Variants in LIMA1 observed in about 807,000 individuals in gnomAD.
LIMA1 encodes LIM domain and actin-binding protein 1.
Under a neutral mutation model 62.6 loss-of-function variants are expected in LIMA1, and 52 were observed. The ratio of observed to expected loss-of-function variants is 0.83; its 90% CI spans 0.67 to 1.05. LIMA1 has a LOEUF of 1.05. LIMA1 is among the 50% of genes least tolerant of loss of function. LIMA1 has a pLI of 0.00. For synonymous variants in LIMA1, 302 were observed against 317.8 expected (o/e 0.95, Z 0.53); for missense variants, 780 against 902.2 (o/e 0.86, Z 1.74).
rs192444952 is a variant in LIMA1 at position 50,211,382 on chromosome 12, G to A, written c.631-5314C>T. 2.6e-3 allele frequency among the ~76,000 whole-genome samples: 381 copies of A among 145,932 alleles called. 1 individual carries two copies. The highest frequency in any genetic ancestry group is 4.3e-3 in the Non-Finnish European group (291 of 66,912). On this transcript the variant is annotated intron_variant, in intron 4 of 10. Coordinates refer to ENST00000341247, the MANE Select transcript of LIMA1 (RefSeq NM_016357.5). Reference sequence around the variant, plus strand: ...AACAAGGCTGGGCGTGGTAGCTCACGCCTGTAATCCAGCACTTTGGGAGGC... The same window carrying A: ...AACAAGGCTGGGCGTGGTAGCTCACACCTGTAATCCAGCACTTTGGGAGGC...
In LIMA1 at chr12:50,231,687, G is replaced by C; in HGVS notation, c.143C>G (p.Thr48Arg). ...FSKYQKAAEETNMEKKRSNTE... is the reference protein window; with the variant it reads ...FSKYQKAAEERNMEKKRSNTE... ...TACACTTCTCTTCTTCTCCATGTTT[G>C]TTTCTTCAGCTGCTTTCTGGTACCT... The change falls in exon 3 of 11, where the codon ACA becomes AGA. Residue 48 changes from threonine to arginine, a missense_variant. Transcript: ENST00000341247. 6.2e-7 allele frequency: 1 copy of C among 1,613,928 alleles called. No individual in the cohort carries two copies. The highest frequency in any genetic ancestry group is 8.5e-7 in the Non-Finnish European group (1 of 1,179,814).
Position 50,244,395 on chromosome 12 carries a change from G to A in LIMA1, c.119+4238C>T, listed in dbSNP as rs534076754. Among the ~76,000 whole-genome samples the A allele has an allele frequency of 1.1e-4, 16 of 152,166 alleles. No homozygotes were observed. In the East Asian group the frequency reaches 2.3e-3, roughly 22 times the overall value. On this transcript the variant is annotated intron_variant, in intron 2 of 10. Transcript: ENST00000341247. The stretch of plus-strand genomic sequence containing the variant: ...TGGGATTACAGGTGTGAGCCATTGC[G>A]CCCAGCCATTTTTTTGTATTTTTAG...
chr12:50,201,353 C>T, intron 6 of LIMA1: 1 of 984,158 alleles, frequency 1.0e-6, no homozygotes, highest in Non-Finnish European at 1.2e-6. Flanking sequence ...ATGATGTATA[C>T]ATATAAAAAC....
intron 1 of LIMA1, chr12:50,249,651 C>T (rs1941900954): frequency 1.3e-5 from 2 of 151,988 alleles, no homozygotes; most frequent in South Asian, 2.1e-4. Flanking sequence ...GTTATTTTGC[C>T]CCACTAATTA....
intron 10 of LIMA1, among the ~76,000 whole-genome samples, chr12:50,181,112 C>CA (rs35433011): frequency 0.44 from 30,744 of 70,386 alleles, 5,655 homozygotes; most frequent in Non-Finnish European, 0.47. Flanking sequence ...ACTCTGTATC[C>CA]AAAAAAAAAA....
At chr12:50,182,249 T>C in intron 9 of LIMA1, 1 of 470,534 alleles carries the variant, frequency 2.1e-6, no homozygotes, top group Non-Finnish European at 3.8e-6. Context: ...CTGCTCTAAA[T>C]GTAGCAGCCA....
chr12:50,233,865 A>G (rs1179947833), intron 2 of LIMA1, among the ~76,000 whole-genome samples: 1 of 152,188 alleles, frequency 6.6e-6, no homozygotes, highest in Non-Finnish European at 1.5e-5. Flanking sequence ...ATGTCTTTTA[A>G]AAGATCATAC....
chr12:50,282,718 T>C (rs933622839), intron 1 of LIMA1, among the ~76,000 whole-genome samples: 25 of 152,170 alleles, frequency 1.6e-4, no homozygotes, highest in African/African-American at 6.0e-4. Context: ...AGTTCAAATA[T>C]CTCTCACCAG....
intron 2 of LIMA1, among the ~76,000 whole-genome samples, chr12:50,233,617 C>T (rs1282837545): frequency 2.6e-5 from 4 of 152,126 alleles, no homozygotes; most frequent in African/African-American, 4.8e-5. Context: ...CTCCGCCTCC[C>T]GGGTTCAAGC....
chr12:50,245,205 A>C (rs1003799302), intron 2 of LIMA1, among the ~76,000 whole-genome samples: 6 of 151,848 alleles, frequency 4.0e-5, no homozygotes, highest in African/African-American at 1.5e-4. Context: ...GCTTGAATCC[A>C]GGAGTTCAAG....
intron 1 of LIMA1, among the ~76,000 whole-genome samples, chr12:50,268,930 C>T (rs1942171597): frequency 6.6e-6 from 1 of 152,118 alleles, no homozygotes; most frequent in Non-Finnish European, 1.5e-5. Context: ...CTGTCTGGAC[C>T]GGTCTTATCC....
intron 2 of LIMA1, among the ~76,000 whole-genome samples, chr12:50,232,377 T>C (rs1338027279): frequency 2.7e-5 from 4 of 150,630 alleles, no homozygotes; most frequent in Non-Finnish European, 5.9e-5. Flanking sequence ...TTTTTTCTTT[T>C]TTTTTTTTTT....
At chr12:50,262,180 T>C (rs1457020209) in intron 1 of LIMA1, among the ~76,000 whole-genome samples, 2 of 152,170 alleles carry the variant, frequency 1.3e-5, no homozygotes, top group Non-Finnish European at 2.9e-5. Context: ...TGTTTTCTTA[T>C]AAATGCTAAT....
chr12:50,207,148 C>A (rs926750092), intron 4 of LIMA1, among the ~76,000 whole-genome samples: 6 of 152,306 alleles, frequency 3.9e-5, no homozygotes, highest in Admixed American at 3.9e-4. Context: ...TGGTCTCGAA[C>A]TCCTGACCTC....
intron 3 of LIMA1, chr12:50,229,704 G>GA (rs935948526): frequency 4.0e-5 from 6 of 151,674 alleles, no homozygotes; most frequent in South Asian, 2.1e-4. Context: ...AATAAAAAAA[G>GA]AAAAAAAAAT....
chr12:50,264,548 A>G (rs1224633350), intron 1 of LIMA1, among the ~76,000 whole-genome samples: 2 of 152,148 alleles, frequency 1.3e-5, no homozygotes, highest in Non-Finnish European at 2.9e-5. Flanking sequence ...GCTGGTTCCA[A>G]TTCCCATTCT....
intron 4 of LIMA1, among the ~76,000 whole-genome samples, chr12:50,208,114 G>A (rs1941186648): frequency 6.6e-6 from 1 of 152,114 alleles, no homozygotes; most frequent in African/African-American, 2.4e-5. Context: ...TTGGGAGGCT[G>A]AGACAGGTGG....
chr12:50,256,770 A>G (rs886113946), intron 1 of LIMA1, among the ~76,000 whole-genome samples: 38 of 152,212 alleles, frequency 2.5e-4, no homozygotes, highest in Non-Finnish European at 3.7e-4. Context: ...GGCAAATACA[A>G]GATCAGCCTG....
At chr12:50,218,996 A>C (rs1269714115) in intron 4 of LIMA1, among the ~76,000 whole-genome samples, 2 of 152,212 alleles carry the variant, frequency 1.3e-5, no homozygotes, top group Non-Finnish European at 2.9e-5. Context: ...TTCTCTATAA[A>C]GTCTACTATG....
Sources: allele counts gnomAD v4.1 joint callset (sites outside exome capture counted in the v4.1 genomes callset), GRCh38; gene constraint gnomAD v4.1.1; transcripts MANE v1.5; gene names NCBI Gene and HGNC (gene_info 2026-07-23, HGNC 2026-07-21).